Variants in UGGT2 observed in about 807,000 individuals in gnomAD.
UGGT2 encodes UDP-glucose glycoprotein glucosyltransferase 2.
In UGGT2, 180 loss-of-function variants were observed where a neutral mutation model predicts 192.1. The observed-to-expected ratio is 0.94, with a 90% CI of 0.83 to 1.06. UGGT2 has a LOEUF of 1.06. Among genes scored for constraint, UGGT2 ranks in the 50% least tolerant of loss-of-function variants. The pLI is 0.00. For synonymous variants in UGGT2, 580 were observed against 591.0 expected (o/e 0.98, Z 0.27); for missense variants, 1,849 against 1,795.7 (o/e 1.03, Z -0.54).
At chr13:95,884,703 C>A in intron 26 of UGGT2, 23 bp from the exon 27 acceptor site, 2 of 1,567,218 alleles carry the variant, frequency 1.3e-6, no homozygotes, top group African/African-American at 1.4e-5. Context: ...CATAAAAATA[C>A]ATAATGTGAC....
At chr13:95,861,161 A>C (rs1481142026) in intron 31 of UGGT2, among the ~76,000 whole-genome samples, 1 of 152,086 alleles carries the variant, frequency 6.6e-6, no homozygotes, top group Non-Finnish European at 1.5e-5. Context: ...GGTTGTTTTC[A>C]GAACAAAGAA....
chr13:95,995,126 A>C (rs1301697284), intron 7 of UGGT2, among the ~76,000 whole-genome samples: 2 of 152,124 alleles, frequency 1.3e-5, no homozygotes, highest in African/African-American at 2.4e-5. Flanking sequence ...TAAGTAATTC[A>C]ATATGTGGCA....
chr13:95,919,690 A>G (rs2140394119), intron 20 of UGGT2, among the ~76,000 whole-genome samples: 1 of 152,284 alleles, frequency 6.6e-6, no homozygotes, highest in African/African-American at 2.4e-5. Context: ...ACCACTGCTC[A>G]AAGGAAATCG....
chr13:95,894,103 A>T (rs1394690033), intron 24 of UGGT2, among the ~76,000 whole-genome samples: 1 of 152,158 alleles, frequency 6.6e-6, no homozygotes, highest in Non-Finnish European at 1.5e-5. Flanking sequence ...AGCCGGGCCT[A>T]CAACAGTTCA....
intron 38 of UGGT2, among the ~76,000 whole-genome samples, chr13:95,813,260 T>C (rs1383609653): frequency 6.6e-6 from 1 of 152,206 alleles, no homozygotes; most frequent in Admixed American, 6.5e-5. Flanking sequence ...GATTGGTTAA[T>C]GGTCGTGACC....
Position 96,013,501 on chromosome 13 carries a change from C to CA in UGGT2, c.486-21dup, listed in dbSNP as rs767487302. ...CTAGTCCTAAGATAAAAGCAAAACA[C>CA]AAAGTTTTGAAAAAACTGAAAGTTA... On this transcript the variant is annotated intron_variant, in intron 4 of 38. Coordinates refer to ENST00000376747, the MANE Select transcript of UGGT2 (RefSeq NM_020121.4). 2 of 1,472,968 alleles carry CA rather than the reference C, an allele frequency of 1.4e-6. No homozygotes were observed. Among genetic ancestry groups the CA allele is most frequent in the African/African-American group, 2.9e-5 (2 of 69,112 alleles). The allele number at this position is 1,472,968 out of a possible 1,614,324, so 91.2% of individuals were successfully genotyped here.
Position 95,853,610 on chromosome 13 carries a change from C to T in UGGT2, c.4217G>A (p.Gly1406Asp), listed in dbSNP as rs1340590747. Residue 1406 changes from glycine (G) to aspartate (D), a missense_variant, in exon 36 of 39, where the codon GGT (glycine) becomes GAT (aspartate). Gly to Asp is a moderately conservative substitution (Grantham distance 94). Coordinates refer to ENST00000376747, the MANE Select transcript of UGGT2 (RefSeq NM_020121.4). ...TTGATACTGGCTCCTGAGCCTGTCA[C>T]CTGCTCCAATTCTCCTGAACTTCTT... ...DLKKFRRIGA[G>D]DRLRSQYQAL... is the part of the protein sequence containing the mutation. 1.3e-6 allele frequency: 2 copies of T among 1,597,642 alleles called. No individual in the cohort carries two copies. The highest frequency in any genetic ancestry group is 2.7e-5 in the African/African-American group (2 of 73,768).
chr13:96,034,432 T>C (rs974534027), intron 1 of UGGT2, among the ~76,000 whole-genome samples: 4 of 152,212 alleles, frequency 2.6e-5, no homozygotes, highest in African/African-American at 9.7e-5. Flanking sequence ...TCCAGTTGTC[T>C]ACATGCCTCA....
At chr13:95,865,338 T>C (rs2140103996) in intron 30 of UGGT2, among the ~76,000 whole-genome samples, 1 of 152,228 alleles carries the variant, frequency 6.6e-6, no homozygotes, top group African/African-American at 2.4e-5. Flanking sequence ...GATAAAACTG[T>C]GTTATTAGAA....
chr13:95,837,701 A>T (rs2139919951), intron 36 of UGGT2, among the ~76,000 whole-genome samples: 2 of 152,332 alleles, frequency 1.3e-5, no homozygotes, highest in East Asian at 3.9e-4. Flanking sequence ...TGACTGGCAA[A>T]CTAGCCTAGT....
At chr13:96,033,791 G>A (rs2052912654) in intron 1 of UGGT2, among the ~76,000 whole-genome samples, 1 of 152,200 alleles carries the variant, frequency 6.6e-6, no homozygotes, top group African/African-American at 2.4e-5. Context: ...GGGCACCAAT[G>A]GGCATGGAAG....
chr13:95,980,370 A>C (rs929524805), intron 10 of UGGT2, among the ~76,000 whole-genome samples: 2 of 152,036 alleles, frequency 1.3e-5, no homozygotes, highest in Admixed American at 6.6e-5. Context: ...ACCAAACATC[A>C]TATGTTCTCA....
At position 95,987,339 on chromosome 13, in the gene UGGT2, A is replaced by G. The variant is rs117666408; in HGVS notation, c.932-907T>C. On this transcript the variant is annotated intron_variant, in intron 8 of 38. Coordinates refer to ENST00000376747, the MANE Select transcript of UGGT2 (RefSeq NM_020121.4). ...ATCACTATTTCAGTAATGTCTACCT[A>G]GATTTCTTGCTTTTAGTCCATTGAA... Among the ~76,000 whole-genome samples the G allele has an allele frequency of 2.8e-4, 42 of 152,246 alleles. No individual in the cohort carries two copies. The East Asian group carries it at 7.7e-3, about 28-fold the overall frequency.
At chr13:95,886,304 C>T (rs1185781223) in intron 26 of UGGT2, among the ~76,000 whole-genome samples, 1 of 152,114 alleles carries the variant, frequency 6.6e-6, no homozygotes, top group Non-Finnish European at 1.5e-5. Flanking sequence ...TGCTAGGTTG[C>T]TTGATATATG....
intron 20 of UGGT2, among the ~76,000 whole-genome samples, chr13:95,914,715 A>C (rs1192000782): frequency 6.6e-6 from 1 of 151,264 alleles, no homozygotes; most frequent in African/African-American, 2.4e-5. Flanking sequence ...CAGGAGAATC[A>C]CTTGAACCTA....
At chr13:95,850,842 A>C (rs1177373138) in intron 36 of UGGT2, among the ~76,000 whole-genome samples, 4 of 152,242 alleles carry the variant, frequency 2.6e-5, no homozygotes, top group African/African-American at 9.6e-5. Context: ...CCAAGGATTT[A>C]TAGTTATCTA....
chr13:95,855,607 C>T (rs1889530216), intron 34 of UGGT2, among the ~76,000 whole-genome samples: 1 of 149,766 alleles, frequency 6.7e-6, no homozygotes, highest in Admixed American at 6.7e-5. Context: ...ACTGTGACTT[C>T]TAACTCCTGG....
At chr13:95,957,986 G>C (rs769934096) in intron 12 of UGGT2, among the ~76,000 whole-genome samples, 1 of 152,158 alleles carries the variant, frequency 6.6e-6, no homozygotes, top group East Asian at 1.9e-4. Flanking sequence ...CTAAAGAGTG[G>C]TAGAAAACAG....
intron 7 of UGGT2, chr13:95,991,229 G>T: frequency 4.0e-6 from 1 of 251,568 alleles, no homozygotes. Context: ...AATCCTTTGG[G>T]TATACACCCA....
Sources: allele counts gnomAD v4.1 joint callset (sites outside exome capture counted in the v4.1 genomes callset), GRCh38; gene constraint gnomAD v4.1.1; transcripts MANE v1.5; gene names NCBI Gene and HGNC (gene_info 2026-07-23, HGNC 2026-07-21).